The following CDK19 variants were observed in gnomAD, a reference collection of about 807,000 sequenced individuals.
CDK19 encodes the protein cyclin dependent kinase 19, also known as cyclin-dependent kinase 19.
CDK19 carries 20 observed loss-of-function variants against 68.3 expected under a neutral mutation model. The observed-to-expected ratio is 0.29, with a 90% CI of 0.21 to 0.43. CDK19 has a LOEUF of 0.43. Among genes scored for constraint, CDK19 ranks in the 20% least tolerant of loss-of-function variants. The probability of loss-of-function intolerance (pLI) is 1.00; values close to 1 mark genes in which losing one functional copy is unlikely to be tolerated. For synonymous variants in CDK19, 221 were observed against 222.8 expected (o/e 0.99, Z 0.07); for missense variants, 339 against 623.5 (o/e 0.54, Z 4.86).
chr6:110,729,326 A>C (rs917273098), intron 2 of CDK19, among the ~76,000 whole-genome samples: 4 of 152,208 alleles, frequency 2.6e-5, no homozygotes, highest in Non-Finnish European at 5.9e-5. Flanking sequence ...GAGGTTACTG[A>C]AAAAAACTGT....
In CDK19 at chr6:110,791,060, T is replaced by G. The variant is rs191902284; in HGVS notation, c.128+23949A>C. On this transcript the variant is annotated intron_variant, in intron 1 of 12. Coordinates refer to ENST00000368911, the MANE Select transcript of CDK19 (RefSeq NM_015076.5). ...GTGGCAGGCACCTGTAGTCCCAGCTTCTTGGGAGGCTGAGGCAGGAGAATA... is the reference window on the plus strand; with the variant it reads ...GTGGCAGGCACCTGTAGTCCCAGCTGCTTGGGAGGCTGAGGCAGGAGAATA... Among the ~76,000 whole-genome samples the G allele has an allele frequency of 6.6e-5, 10 of 151,688 alleles. No individual in the cohort carries two copies. In the East Asian group the frequency reaches 1.9e-3, roughly 29 times the overall value.
chr6:110,753,869 T>G (rs1375486231), intron 1 of CDK19, among the ~76,000 whole-genome samples: 1 of 152,102 alleles, frequency 6.6e-6, no homozygotes, highest in Non-Finnish European at 1.5e-5. Flanking sequence ...TCTTATTAAT[T>G]AGGATATGTT....
Position 110,621,900 on chromosome 6 carries a change from A to T in CDK19, c.1110+188T>A, listed in dbSNP as rs557039659. ...CACACCGGAAGCTCAGGTATCTGTG[A>T]GCTGGTCATACTTCAAACTTCAAGG... On this transcript the variant is annotated intron_variant, in intron 11 of 12. Coordinates refer to ENST00000368911, the MANE Select transcript of CDK19 (RefSeq NM_015076.5). The surrounding 1 kb of genome is among the most constrained non-coding windows in gnomAD (Gnocchi z 5.4). Among the ~76,000 whole-genome samples the T allele has an allele frequency of 1.2e-4, 18 of 152,212 alleles. No individual in the cohort carries two copies. The highest frequency in any genetic ancestry group is 2.1e-4 in the Non-Finnish European group (14 of 68,034).
At chr6:110,631,900 G>C in intron 6 of CDK19, 130 bp downstream of exon 6, 1 of 759,500 alleles carries the variant, frequency 1.3e-6, no homozygotes, top group South Asian at 1.7e-5. Context: ...AGAAATCTAG[G>C]AATACAGAAG....
At chr6:110,700,150 TTGA>T (rs1773871126) in intron 2 of CDK19, among the ~76,000 whole-genome samples, 1 of 152,232 alleles carries the variant, frequency 6.6e-6, no homozygotes, top group African/African-American at 2.4e-5. Context: ...AATCTAATGC[TTGA>T]TGATCTGTCA....
chr6:110,641,195 A>G (rs1780138217), intron 4 of CDK19, among the ~76,000 whole-genome samples: 1 of 152,198 alleles, frequency 6.6e-6, no homozygotes, highest in South Asian at 2.1e-4. Context: ...TCCATTATGT[A>G]AAAAGTGTTG....
intron 12 of CDK19, among the ~76,000 whole-genome samples, chr6:110,617,662 T>TACACACAC (rs561387463): frequency 3.6e-3 from 386 of 107,062 alleles, no homozygotes; most frequent in African/African-American, 5.9e-3. Flanking sequence ...TATATATATA[T>TACACACAC]ACACACACAC....
At chr6:110,627,665 T>C (rs1471436460) in intron 6 of CDK19, among the ~76,000 whole-genome samples, 3 of 152,140 alleles carry the variant, frequency 2.0e-5, no homozygotes, top group Admixed American at 6.5e-5. Flanking sequence ...TGTGTGCTAC[T>C]TGTACCTGGC....
intron 4 of CDK19, among the ~76,000 whole-genome samples, chr6:110,660,916 G>A (rs1392662743): frequency 2.0e-5 from 3 of 152,136 alleles, no homozygotes; most frequent in Non-Finnish European, 4.4e-5. Context: ...TTGAGGGTAG[G>A]AACTTCACCA....
At chr6:110,615,254 A>G (rs1404409614) in intron 12 of CDK19, among the ~76,000 whole-genome samples, 4 of 152,294 alleles carry the variant, frequency 2.6e-5, no homozygotes, top group East Asian at 3.9e-4. Flanking sequence ...AGAATAAAGC[A>G]ATTTTCACAT....
chr6:110,698,506 T>C (rs1198675589), intron 2 of CDK19, among the ~76,000 whole-genome samples: 1 of 151,980 alleles, frequency 6.6e-6, no homozygotes, highest in Non-Finnish European at 1.5e-5. Flanking sequence ...CAAAAAACAA[T>C]AGATGTTGTT....
intron 1 of CDK19, among the ~76,000 whole-genome samples, chr6:110,808,035 A>G (rs1191674288): frequency 6.6e-6 from 1 of 152,168 alleles, no homozygotes; most frequent in Non-Finnish European, 1.5e-5. Flanking sequence ...TTCAGCCTTA[A>G]TATTTCTCCT....
chr6:110,647,773 C>T (rs981628491), intron 4 of CDK19, among the ~76,000 whole-genome samples: 1 of 152,098 alleles, frequency 6.6e-6, no homozygotes, highest in Non-Finnish European at 1.5e-5. Flanking sequence ...AGATTAAATG[C>T]TCCAAACATA....
At chr6:110,728,146 G>C (rs945077394) in intron 2 of CDK19, among the ~76,000 whole-genome samples, 1 of 151,896 alleles carries the variant, frequency 6.6e-6, no homozygotes, top group Non-Finnish European at 1.5e-5. Context: ...AAATTAGCCG[G>C]GCATGGTGGC....
intron 2 of CDK19, among the ~76,000 whole-genome samples, chr6:110,676,239 G>T (rs1356058274): frequency 2.0e-5 from 3 of 152,200 alleles, no homozygotes; most frequent in Non-Finnish European, 4.4e-5. Flanking sequence ...AGGATTAACT[G>T]AATTTCTGCC....
At chr6:110,716,149 CAT>C (rs1347025812) in intron 2 of CDK19, among the ~76,000 whole-genome samples, 2 of 152,062 alleles carry the variant, frequency 1.3e-5, no homozygotes, top group Non-Finnish European at 2.9e-5. Context: ...AAAGATATAA[CAT>C]ATTTCTTTAA....
intron 5 of CDK19, among the ~76,000 whole-genome samples, chr6:110,637,961 C>T (rs776424266): frequency 2.0e-5 from 3 of 152,174 alleles, no homozygotes; most frequent in Non-Finnish European, 4.4e-5. Context: ...CCAGCCTGGG[C>T]AACAGAGCGA....
At chr6:110,750,165 T>C (rs1001195569) in intron 1 of CDK19, among the ~76,000 whole-genome samples, 3 of 145,706 alleles carry the variant, frequency 2.1e-5, no homozygotes, top group Middle Eastern at 3.4e-3. Context: ...AAATTACATA[T>C]GAAGGTTAAT....
chr6:110,718,323 C>T (rs551055909), intron 2 of CDK19, among the ~76,000 whole-genome samples: 6 of 152,090 alleles, frequency 3.9e-5, no homozygotes, highest in Non-Finnish European at 8.8e-5. Context: ...CAGATGACGA[C>T]GCCTTAGGTG....
Sources: gnomAD v4.1 joint callset for allele counts (sites outside exome capture counted in the v4.1 genomes callset) on GRCh38, gnomAD v4.1.1 for gene constraint, Gnocchi (gnomAD v3.1) non-coding constraint, MANE v1.5 for transcripts, NCBI Gene and HGNC (gene_info 2026-07-23, HGNC 2026-07-21) for gene names.